The following PC variants were observed in gnomAD, a reference collection of about 807,000 sequenced individuals.
PC encodes the protein pyruvate carboxylase, mitochondrial.
Under a neutral mutation model 107.8 loss-of-function variants are expected in PC, and 46 were observed. That is an observed-to-expected ratio of 0.43 (90% confidence interval 0.34 to 0.55). The LOEUF (loss-of-function observed/expected upper bound fraction) is 0.55, where lower values mean the gene tolerates loss of function less well. Among genes scored for constraint, PC ranks in the 20% least tolerant of loss-of-function variants. The pLI is 0.04. For missense variants in PC, 1,241 were observed against 1,643.1 expected, an observed-to-expected ratio of 0.76 and a Z score of 4.23; for synonymous variants, 662 against 684.7, an observed-to-expected ratio of 0.97 and a Z score of 0.52.
Position 66,859,599 on chromosome 11 carries a change from C to T in PC, c.1368+4175G>A, listed in dbSNP as rs750635863. 1.1e-5 allele frequency: 18 copies of T among 1,610,942 alleles called. No homozygotes were observed. The South Asian group carries it at 1.8e-4, about 16-fold the overall frequency. On this transcript the variant is annotated intron_variant, in intron 12 of 22. Coordinates refer to ENST00000393960, the MANE Select transcript of PC (RefSeq NM_001040716.2). The stretch of plus-strand genomic sequence containing the variant: ...TGGGGAGGTGAGGATGGGGCTAGAC[C>T]CCAGCCCCGGGCTCTGACCACCTGC...
intron 12 of PC, among the ~76,000 whole-genome samples, chr11:66,863,094 C>T (rs998236587): frequency 6.6e-6 from 1 of 152,176 alleles, no homozygotes; most frequent in African/African-American, 2.4e-5. Context: ...GTAATCTCAG[C>T]ATTTTGGGAG....
intron 3 of PC, among the ~76,000 whole-genome samples, chr11:66,888,048 T>A (rs372212861): frequency 6.6e-6 from 1 of 152,244 alleles, no homozygotes; most frequent in South Asian, 2.1e-4. Flanking sequence ...ACACTTGTGA[T>A]GGCATTCGGG....
chr11:66,859,607 C>T (rs766574016), intron 12 of PC: 63 of 1,611,802 alleles, frequency 3.9e-5, no homozygotes, highest in Admixed American at 2.3e-4. Flanking sequence ...ACCCCAGCCC[C>T]GGGCTCTGAC....
chr11:66,873,985 A>T (rs1946880611), intron 3 of PC, among the ~76,000 whole-genome samples: 1 of 145,236 alleles, frequency 6.9e-6, no homozygotes. Context: ...TTTGAGACAG[A>T]GTCTTGCTCT....
At position 66,850,010 on chromosome 11, in the gene PC, CG is replaced by C; in HGVS notation, c.2824del (p.Arg942AlafsTer27). 2 of 1,613,662 alleles carry C rather than the reference CG, an allele frequency of 1.2e-6. No homozygotes were observed. ...EAQAEELSFP[R>X]SVVEFLQGYI... The stretch of plus-strand genomic sequence containing the variant: ...GCCCTGCAGGAACTCCACCACGGAG[CG>C]GGGAAAGGACAGCTCTTCCGCCTGA... On this transcript the variant is annotated frameshift_variant, in exon 20 of 23. Coordinates refer to ENST00000393960, the MANE Select transcript of PC (RefSeq NM_001040716.2). LOFTEE classifies it high-confidence loss of function.
rs1368348920 is a variant in PC, at chr11:66,863,805, G to A, written c.1337C>T (p.Ala446Val). ...ACCTCGGACGCGGAACTCCGCAAGG[G>A]CCCTGCTCATCTTGGTGGCGGCCGT... The part of the protein sequence containing the change: ...HPTAATKMSR[A>V]LAEFRVRGVK... Residue 446 changes from alanine (A) to valine (V), a missense_variant, in exon 12 of 23, where the codon GCC becomes GTC. Ala to Val is a moderately conservative substitution (Grantham distance 64). Coordinates refer to ENST00000393960, the MANE Select transcript of PC (RefSeq NM_001040716.2). The A allele has an allele frequency of 6.2e-7, 1 of 1,613,390 alleles. No individual in the cohort carries two copies. The highest frequency in any genetic ancestry group is 8.5e-7 in the Non-Finnish European group (1 of 1,179,968).
chr11:66,859,074 G>A lies in PC; in HGVS notation c.1368+4700C>T, dbSNP rs139704723. On this transcript the variant is annotated intron_variant, in intron 12 of 22. Transcript: ENST00000393960. ...CCAAATCCAGTACAACAGCAGCGAA[G>A]ATGAGACCCTCATCTACCGGTGAGG... is the stretch of plus-strand genomic sequence containing the variant. The A allele has an allele frequency of 6.7e-7, 1 of 1,490,718 alleles. No individual in the cohort carries two copies. The highest frequency in any genetic ancestry group is 1.4e-5 in the African/African-American group (1 of 70,134). The allele number at this position is 1,490,718 out of a possible 1,614,324, so 92.3% of individuals were successfully genotyped here.
At chr11:66,904,504 G>A (rs1294174650) in intron 3 of PC, among the ~76,000 whole-genome samples, 2 of 152,202 alleles carry the variant, frequency 1.3e-5, no homozygotes, top group Non-Finnish European at 2.9e-5. Context: ...CTTGCATGGT[G>A]GCATGCGCCT....
chr11:66,887,223 A>G (rs1381314138), intron 3 of PC, among the ~76,000 whole-genome samples: 1 of 152,148 alleles, frequency 6.6e-6, no homozygotes, highest in Non-Finnish European at 1.5e-5. Flanking sequence ...GCTCCACCCC[A>G]ACCCAGACTT....
intron 3 of PC, among the ~76,000 whole-genome samples, chr11:66,890,258 C>T (rs187509540): frequency 1.1e-4 from 16 of 152,286 alleles, no homozygotes; most frequent in Admixed American, 7.8e-4. Flanking sequence ...CCTCACCAGA[C>T]GCTGAATCTG....
intron 3 of PC, among the ~76,000 whole-genome samples, chr11:66,875,558 G>A (rs1421908618): frequency 6.6e-6 from 1 of 152,126 alleles, no homozygotes; most frequent in East Asian, 1.9e-4. Flanking sequence ...CGAGGAGGAA[G>A]AGCCAAGAAG....
chr11:66,865,613 C>T (rs1002468493), intron 11 of PC, among the ~76,000 whole-genome samples: 2 of 152,148 alleles, frequency 1.3e-5, no homozygotes, highest in East Asian at 1.9e-4. Context: ...TGCCGTGGAC[C>T]GCCTCAGCGC....
chr11:66,904,365 G>A (rs566988426), intron 3 of PC, among the ~76,000 whole-genome samples: 7 of 152,280 alleles, frequency 4.6e-5, no homozygotes, highest in South Asian at 2.1e-4. Flanking sequence ...AAGGCTGGGC[G>A]CGGTGGCTCA....
At chr11:66,854,125 T>C (rs560256282) in intron 12 of PC, among the ~76,000 whole-genome samples, 42 of 152,340 alleles carry the variant, frequency 2.8e-4, no homozygotes, top group African/African-American at 9.4e-4. Context: ...ACTCCTCCCA[T>C]GCCACTGGTC....
At chr11:66,948,411 G>C (rs1313660207) in intron 3 of PC, among the ~76,000 whole-genome samples, 1 of 152,138 alleles carries the variant, frequency 6.6e-6, no homozygotes, top group African/African-American at 2.4e-5. Flanking sequence ...GAGGCAGAGG[G>C]AGGAATTCCA....
chr11:66,873,070 C>T (rs1365185685), intron 3 of PC, among the ~76,000 whole-genome samples: 3 of 149,920 alleles, frequency 2.0e-5, no homozygotes, highest in Non-Finnish European at 4.4e-5. Flanking sequence ...AGGTTGGGCA[C>T]GGTGGCTCAC....
Position 66,851,187 on chromosome 11 carries a change from C to G in PC, c.2076G>C (p.Ala692=). ...YLPNMLLGME[A]AGSAGGVVEA... ...CCACCACGCCTCCGGCACTTCCTGC[C>G]GCCTCCATGCCCAGCAGCATGTTGG... Residue 692 remains alanine, a synonymous_variant, in exon 17 of 23, where the codon GCG becomes GCC. Transcript: ENST00000393960. The G allele has an allele frequency of 6.2e-7, 1 of 1,610,992 alleles. No homozygotes were observed. The highest frequency in any genetic ancestry group is 8.5e-7 in the Non-Finnish European group (1 of 1,180,004).
intron 21 of PC, 26 bp from the exon 22 acceptor site, chr11:66,849,396 A>G (rs1384390083): frequency 6.2e-7 from 1 of 1,611,464 alleles, no homozygotes; most frequent in Non-Finnish European, 8.5e-7. Context: ...GCAGACTCAG[A>G]GCTGGACGCC....
intron 1 of PC, among the ~76,000 whole-genome samples, chr11:66,956,360 G>A (rs535281117): frequency 6.6e-6 from 1 of 151,850 alleles, no homozygotes; most frequent in East Asian, 2.0e-4. Context: ...CGAGGTGGGC[G>A]GATCACCTGA....
Sources: gnomAD v4.1 joint callset for allele counts (sites outside exome capture counted in the v4.1 genomes callset) on GRCh38, gnomAD v4.1.1 for gene constraint, MANE v1.5 for transcripts, NCBI Gene and HGNC (gene_info 2026-07-23, HGNC 2026-07-21) for gene names.